ANK3: variants seen among roughly 807,000 people sequenced by gnomAD.
ANK3 encodes the protein ankyrin 3, also known as ankyrin-3.
Under a neutral mutation model 370.9 loss-of-function variants are expected in ANK3, and 57 were observed. The ratio of observed to expected loss-of-function variants is 0.15; its 90% confidence interval spans 0.12 to 0.19. ANK3 has a LOEUF of 0.19. Among genes scored for constraint, ANK3 ranks in the 10% least tolerant of loss-of-function variants. The pLI, the probability that ANK3 is intolerant of heterozygous loss-of-function variation, is 1.00. For synonymous variants in ANK3, 1,929 were observed against 1,946.3 expected (o/e 0.99, Z 0.23); for missense variants, 4,439 against 5,302.1 (o/e 0.84, Z 5.06).
At chr10:60,067,527 C>T (rs1295608227) in intron 38 of ANK3, among the ~76,000 whole-genome samples, 1 of 152,128 alleles carries the variant, frequency 6.6e-6, no homozygotes, top group Non-Finnish European at 1.5e-5. Context: ...GTTAATTGAA[C>T]TGTTGCCTAG....
At chr10:60,084,405 C>CAAAA in intron 32 of ANK3, 197 bp downstream of exon 32, 3 of 191,248 alleles carry the variant, frequency 1.6e-5, no homozygotes, top group Non-Finnish European at 2.7e-5. Flanking sequence ...GGCTCCGTCT[C>CAAAA]AAAAAAAAAA....
At position 60,569,399 on chromosome 10, in the gene ANK3, T is replaced by G. The variant is rs373045526; in HGVS notation, c.96+45787A>C. Among the ~76,000 whole-genome samples the G allele has an allele frequency of 9.2e-5, 14 of 152,320 alleles. No homozygotes were observed. The East Asian group carries it at 1.5e-3, about 17-fold the overall frequency. ...AGAAAAAGAGAGTTTGATTCATCTA[T>G]TCAAGACAAGATATCAAGTTAGAAG... On this transcript the variant is annotated intron_variant, in intron 2 of 43. Transcript: ENST00000373827.
At chr10:60,203,562 G>A (rs1176315428) in intron 11 of ANK3, among the ~76,000 whole-genome samples, 9 of 152,150 alleles carry the variant, frequency 5.9e-5, no homozygotes, top group Non-Finnish European at 1.3e-4. Flanking sequence ...ATATAAAAGA[G>A]CAGGGTACCT....
At chr10:60,214,015 T>C (rs1312897794) in intron 8 of ANK3, among the ~76,000 whole-genome samples, 2 of 152,296 alleles carry the variant, frequency 1.3e-5, no homozygotes, top group Non-Finnish European at 2.9e-5. Flanking sequence ...AAATATTTCC[T>C]GACAATACAT....
At chr10:60,383,983 A>C (rs2061905386) in intron 1 of ANK3, among the ~76,000 whole-genome samples, 1 of 152,192 alleles carries the variant, frequency 6.6e-6, no homozygotes, top group Non-Finnish European at 1.5e-5. Flanking sequence ...ATCTCATTAC[A>C]ATAAACCCAG....
At chr10:60,353,160 T>TTG (rs1230193237) in intron 1 of ANK3, among the ~76,000 whole-genome samples, 10 of 137,464 alleles carry the variant, frequency 7.3e-5, no homozygotes, top group Admixed American at 5.6e-4. Context: ...TTTGTTTTGT[T>TTG]TTTTTTTTTT....
intron 1 of ANK3, among the ~76,000 whole-genome samples, chr10:60,382,785 C>A (rs1433061199): frequency 9.7e-6 from 1 of 103,310 alleles, no homozygotes. Context: ...GATATTTAAC[C>A]TATACCTAAA....
chr10:60,238,301 T>C (rs574543137), intron 7 of ANK3, among the ~76,000 whole-genome samples: 1 of 152,284 alleles, frequency 6.6e-6, no homozygotes, highest in African/African-American at 2.4e-5. Context: ...ATGTTAGAGC[T>C]CGAAAGCCTG....
chr10:60,510,029 C>T (rs1409109770), intron 2 of ANK3, among the ~76,000 whole-genome samples: 1 of 151,934 alleles, frequency 6.6e-6, no homozygotes, highest in Non-Finnish European at 1.5e-5. Flanking sequence ...TATATGAATC[C>T]CACAAGGCCA....
At chr10:60,226,501 GTA>G (rs2097152699) in intron 8 of ANK3, among the ~76,000 whole-genome samples, 1 of 69,640 alleles carries the variant, frequency 1.4e-5, no homozygotes, top group Admixed American at 1.6e-4. Flanking sequence ...ATATACTATA[GTA>G]TATATACATA....
chr10:60,357,097 A>G (rs2057879893), intron 1 of ANK3, among the ~76,000 whole-genome samples: 1 of 152,134 alleles, frequency 6.6e-6, no homozygotes, highest in Admixed American at 6.5e-5. Flanking sequence ...TCCATGGCCC[A>G]TCGTTTTTAC....
At chr10:60,059,268 A>C (rs945647623) in intron 41 of ANK3, 72 bp downstream of exon 41, 5 of 1,301,650 alleles carry the variant, frequency 3.8e-6, no homozygotes, top group South Asian at 3.6e-5. Flanking sequence ...GTCACCACTA[A>C]AAAGCATGTA....
chr10:60,680,137 G>GGA (rs1554808042), intron 1 of ANK3, among the ~76,000 whole-genome samples: 58 of 128,398 alleles, frequency 4.5e-4, no homozygotes, highest in East Asian at 2.7e-3. Context: ...TCTGTCTCGG[G>GGA]AAAAAAAAAA....
rs112301032 is a variant in ANK3 at position 60,196,060 on chromosome 10, CTCCTG to C, written c.1887+80_1887+84del. 48 of 1,205,720 alleles carry C rather than the reference CTCCTG, an allele frequency of 4.0e-5. No individual in the cohort carries two copies. The African/African-American group carries it at 4.8e-4, about 12-fold the overall frequency. The allele number at this position is 1,205,720 out of a possible 1,614,324, so 74.7% of individuals were successfully genotyped here. A position where few individuals can be genotyped will look rare whatever the true frequency, so the allele number is the denominator to read the frequency against. On this transcript the variant is annotated intron_variant, in intron 16 of 43. Coordinates refer to ENST00000280772, the MANE Select transcript of ANK3 (RefSeq NM_020987.5). ...TAGTGGTGCCTAAACTAGGAGGGTGCTCCTGCTGAAGCAGAAGTAGATGTGCAGAT... is the reference window on the plus strand; with the variant it reads ...TAGTGGTGCCTAAACTAGGAGGGTGCCTGAAGCAGAAGTAGATGTGCAGAT...
At chr10:60,248,005 A>C (rs1414450193) in intron 7 of ANK3, among the ~76,000 whole-genome samples, 1 of 152,216 alleles carries the variant, frequency 6.6e-6, no homozygotes, top group Admixed American at 6.5e-5. Context: ...TGTAGCATGC[A>C]TCAAAATTTC....
chr10:60,258,853 C>T (rs111352354), intron 7 of ANK3, among the ~76,000 whole-genome samples: 1 of 152,194 alleles, frequency 6.6e-6, no homozygotes, highest in African/African-American at 2.4e-5. Context: ...TTGCAGCCCC[C>T]CAAGACAAAG....
At position 60,261,124 on chromosome 10, in the gene ANK3, C is replaced by T. The variant is rs549346873; in HGVS notation, c.798+735G>A. 2.9e-3 allele frequency among the ~76,000 whole-genome samples: 449 copies of T among 152,212 alleles called. 3 individuals are homozygous for T. Among genetic ancestry groups the T allele is most frequent in the African/African-American group, 0.01 (421 of 41,538 alleles). ...TTATAAATGAGGAAACTGACAGACA[C>T]AGGGAAAAAAGTGAAAGCCAAAATT... On this transcript the variant is annotated intron_variant, in intron 7 of 43. Transcript: ENST00000280772.
intron 27 of ANK3, chr10:60,108,333 G>A (rs1211720736): frequency 3.6e-6 from 1 of 275,114 alleles, no homozygotes; most frequent in African/African-American, 2.3e-5. Flanking sequence ...AGGGGAAATT[G>A]TGAACAAACT....
chr10:60,602,148 T>G (rs2078073061), intron 2 of ANK3, among the ~76,000 whole-genome samples: 1 of 152,146 alleles, frequency 6.6e-6, no homozygotes, highest in African/African-American at 2.4e-5. Context: ...ACTCATTTAT[T>G]TCTCACAAAA....
Sources: allele counts gnomAD v4.1 joint callset (sites outside exome capture counted in the v4.1 genomes callset), GRCh38; gene constraint gnomAD v4.1.1; transcripts MANE v1.5; gene names NCBI Gene and HGNC (gene_info 2026-07-23, HGNC 2026-07-21).